CEP43: variants seen among roughly 807,000 people sequenced by gnomAD.
CEP43 encodes the protein FGFR1 oncogene partner.
A neutral mutation model predicts 52.6 loss-of-function variants in CEP43; 36 were observed. The observed-to-expected ratio is 0.68, with a 90% CI of 0.52 to 0.90. The LOEUF (loss-of-function observed/expected upper bound fraction) is 0.90, where lower values mean the gene tolerates loss of function less well. Ranked by LOEUF, CEP43 falls within the 40% of genes least tolerant of loss-of-function variation. The probability of loss-of-function intolerance (pLI) is 0.00; values close to 1 mark genes in which losing one functional copy is unlikely to be tolerated. For missense variants in CEP43, 506 were observed against 472.8 expected, an observed-to-expected ratio of 1.07 and a Z score of -0.65; for synonymous variants, 192 against 172.4, an observed-to-expected ratio of 1.11 and a Z score of -0.89.
chr6:167,042,422 G>C lies in CEP43; in HGVS notation c.*2444G>C. On this transcript the variant is annotated 3_prime_UTR_variant, in exon 13 of 13. Coordinates refer to ENST00000366847, the MANE Select transcript of CEP43 (RefSeq NM_007045.4). Reference sequence around the variant, plus strand: ...GCATTTATTCTCTTTGTTGATATTCGGTTGTGCTTTTATACTTTATGTTGG... The same window carrying C: ...GCATTTATTCTCTTTGTTGATATTCCGTTGTGCTTTTATACTTTATGTTGG... The C allele has an allele frequency of 4.2e-6, 4 of 947,344 alleles. No individual in the cohort carries two copies. The highest frequency in any genetic ancestry group is 5.1e-6 in the Non-Finnish European group (4 of 791,998). 58.7% of individuals were successfully genotyped at this position (947,344 alleles called of 1,614,324 possible). A position where few individuals can be genotyped will look rare whatever the true frequency, so the allele number is the denominator to read the frequency against.
intron 3 of CEP43, 85 bp downstream of exon 3, chr6:167,003,332 C>CTT: frequency 5.6e-6 from 4 of 712,514 alleles, no homozygotes; most frequent in South Asian, 2.1e-5. Flanking sequence ...AATTTCAGGG[C>CTT]TTTTTTTTTG....
chr6:167,035,854 A>C (rs1468940509), intron 12 of CEP43, among the ~76,000 whole-genome samples: 1 of 152,194 alleles, frequency 6.6e-6, no homozygotes, highest in Admixed American at 6.5e-5. Flanking sequence ...GGCGTGAGCC[A>C]CCGCGCCCAG....
chr6:167,035,653 G>A (rs777971187), intron 12 of CEP43, among the ~76,000 whole-genome samples: 78 of 151,440 alleles, frequency 5.2e-4, no homozygotes, highest in Non-Finnish European at 9.0e-4. Context: ...TGCAAGCTCC[G>A]CCTCCCGGGT....
At position 167,041,069 on chromosome 6, in the gene CEP43, A is replaced by G; in HGVS notation, c.*1091A>G. On this transcript the variant is annotated 3_prime_UTR_variant, in exon 13 of 13. Transcript: ENST00000366847. ...CATATTTATATATAAGTAAAGCAGG[A>G]TTGTGCTGTTTTTGCACTTTATAAT... is the stretch of plus-strand genomic sequence containing the variant. 1 of 1,035,708 alleles carries G rather than the reference A, an allele frequency of 9.7e-7. No homozygotes were observed. The highest frequency in any genetic ancestry group is 1.2e-6 in the Non-Finnish European group (1 of 860,590). 64.2% of individuals were successfully genotyped at this position (1,035,708 alleles called of 1,614,324 possible). A position where few individuals can be genotyped will look rare whatever the true frequency, so the allele number is the denominator to read the frequency against.
intron 5 of CEP43, among the ~76,000 whole-genome samples, chr6:167,006,947 A>G (rs1381807500): frequency 3.3e-5 from 5 of 152,212 alleles, no homozygotes; most frequent in Admixed American, 2.6e-4. Context: ...AAAAAGTAAA[A>G]ACATAAAGAC....
At chr6:167,013,957 AGT>A (rs1272329413) in intron 7 of CEP43, among the ~76,000 whole-genome samples, 7 of 152,202 alleles carry the variant, frequency 4.6e-5, no homozygotes, top group Non-Finnish European at 1.0e-4. Flanking sequence ...TGGGTGACAG[AGT>A]GAGACTCTGT....
chr6:167,003,187 T>TC lies in CEP43; in HGVS notation c.157-6_157-5insC. ...CATGACACTTAAATTTTTTTTTTTT[T>TC]AACAGAACAAAACTCCTTTAGTTAA... On this transcript the variant is annotated splice_region_variant and splice_polypyrimidine_tract_variant and intron_variant, in intron 2 of 12. Transcript: ENST00000366847. 1.5e-6 allele frequency: 2 copies of TC among 1,370,146 alleles called. No homozygotes were observed. The highest frequency in any genetic ancestry group is 1.0e-6 in the Non-Finnish European group (1 of 996,486). 84.9% of individuals were successfully genotyped at this position (1,370,146 alleles called of 1,614,324 possible). A position where few individuals can be genotyped will look rare whatever the true frequency, so the allele number is the denominator to read the frequency against.
In CEP43 at chr6:167,051,357, C is replaced by CAGGGCTATTATCATCTAAACTAT. The variant is rs1186866033; in HGVS notation, c.*11381_*11403dup. 6.6e-6 allele frequency: 1 copy of CAGGGCTATTATCATCTAAACTAT among 152,178 alleles called. No homozygotes were observed. The highest frequency in any genetic ancestry group is 2.4e-5 in the African/African-American group (1 of 41,446). The allele number at this position is 152,178 out of a possible 1,614,324, so 9.4% of individuals were successfully genotyped here. A position where few individuals can be genotyped will look rare whatever the true frequency, so the allele number is the denominator to read the frequency against. On this transcript the variant is annotated 3_prime_UTR_variant, in exon 13 of 13. Coordinates refer to ENST00000366847, the MANE Select transcript of CEP43 (RefSeq NM_007045.4). ...ACAAAGGCAGTTTAATTTTGGGGGG[C>CAGGGCTATTATCATCTAAACTAT]AGGGCTATTATCATCTAAACTATAA...
At chr6:167,020,869 A>C (rs1283077003) in intron 7 of CEP43, among the ~76,000 whole-genome samples, 1 of 141,050 alleles carries the variant, frequency 7.1e-6, no homozygotes, top group African/African-American at 2.7e-5. Flanking sequence ...AGATTGCCCC[A>C]CTGCACTCCA....
intron 7 of CEP43, among the ~76,000 whole-genome samples, chr6:167,021,858 T>G (rs1451523135): frequency 6.6e-6 from 1 of 152,252 alleles, no homozygotes; most frequent in African/African-American, 2.4e-5. Flanking sequence ...AGGCAGCGCC[T>G]TTCACCTTGA....
At chr6:167,019,298 C>T (rs396526) in intron 7 of CEP43, among the ~76,000 whole-genome samples, 11 of 145,232 alleles carry the variant, frequency 7.6e-5, no homozygotes, top group East Asian at 7.1e-4. Flanking sequence ...GCTGTGCACA[C>T]GCGTACACCT....
intron 7 of CEP43, among the ~76,000 whole-genome samples, chr6:167,020,323 TG>T (rs1780196169): frequency 6.6e-6 from 1 of 152,232 alleles, no homozygotes; most frequent in African/African-American, 2.4e-5. Flanking sequence ...GCATATATCT[TG>T]CCTACTGTCA....
chr6:167,003,805 T>A lies in CEP43; in HGVS notation c.294T>A (p.Thr98=). The part of the protein sequence containing the change: ...DFTLAVFQPE[T]STLQGLEGRE... ...CTTTGGCTGTTTTTCAACCTGAAAC[T>A]AGCACAGTAAGAATAATGATTTTTA... is the stretch of plus-strand genomic sequence containing the variant. The change falls in exon 4 of 13, where the codon ACT becomes ACA. Residue 98 remains threonine (T), a synonymous_variant. Transcript: ENST00000366847. The A allele has an allele frequency of 6.3e-7, 1 of 1,584,736 alleles. No homozygotes were observed. Among genetic ancestry groups the A allele is most frequent in the Non-Finnish European group, 8.7e-7 (1 of 1,154,640 alleles).
chr6:167,010,422 G>A (rs918412005), intron 5 of CEP43, among the ~76,000 whole-genome samples: 2 of 152,164 alleles, frequency 1.3e-5, no homozygotes, highest in African/African-American at 4.8e-5. Context: ...TTTTTCTTGA[G>A]ATAAAATGAA....
intron 10 of CEP43, among the ~76,000 whole-genome samples, chr6:167,031,141 CA>C (rs1780462374): frequency 6.6e-6 from 1 of 152,142 alleles, no homozygotes; most frequent in Non-Finnish European, 1.5e-5. Context: ...AGGCTGGTCT[CA>C]AACTCCTGGG....
In CEP43 at chr6:167,046,792, A is replaced by T. The variant is rs1267465859; in HGVS notation, c.*6814A>T. On this transcript the variant is annotated 3_prime_UTR_variant, in exon 13 of 13. Transcript: ENST00000366847. ...TCCAACGACCATTCTGCCTCAGGGT[A>T]AGAGGCCCGGCCCTCTCAGCCTGAG... is the stretch of plus-strand genomic sequence containing the variant. 6.6e-6 allele frequency: 1 copy of T among 152,252 alleles called. No homozygotes were observed. Among genetic ancestry groups the T allele is most frequent in the Non-Finnish European group, 1.5e-5 (1 of 68,096 alleles). 9.4% of individuals were successfully genotyped at this position (152,252 alleles called of 1,614,324 possible).
chr6:167,036,869 T>A, intron 12 of CEP43: 1 of 637,254 alleles, frequency 1.6e-6, no homozygotes, highest in Non-Finnish European at 2.0e-6. Flanking sequence ...GTGCAATGGC[T>A]GGATCTTGGC....
intron 7 of CEP43, among the ~76,000 whole-genome samples, chr6:167,014,336 AC>A (rs1780047929): frequency 1.3e-5 from 2 of 152,316 alleles, no homozygotes; most frequent in South Asian, 4.1e-4. Flanking sequence ...CTCACAGTAG[AC>A]TGCTGGGGGC....
In CEP43 at chr6:167,040,058, AGCTGGAAT is replaced by A. The variant is rs1780662865; in HGVS notation, c.*82_*89del. 2 of 1,610,504 alleles carry A rather than the reference AGCTGGAAT, an allele frequency of 1.2e-6. No individual in the cohort carries two copies. Among genetic ancestry groups the A allele is most frequent in the African/African-American group, 1.3e-5 (1 of 74,638 alleles). On this transcript the variant is annotated 3_prime_UTR_variant, in exon 13 of 13. Transcript: ENST00000366847. Reference sequence around the variant, plus strand: ...TTTTTTTTTTTCCAGACAATCACTCAGCTGGAATGTCTGCTCTCTATTGGTGCCTTGCA... The same window carrying A: ...TTTTTTTTTTTCCAGACAATCACTCAGTCTGCTCTCTATTGGTGCCTTGCA...
Sources: gnomAD v4.1 joint callset for allele counts (sites outside exome capture counted in the v4.1 genomes callset) on GRCh38, gnomAD v4.1.1 for gene constraint, MANE v1.5 for transcripts, NCBI Gene and HGNC (gene_info 2026-07-23, HGNC 2026-07-21) for gene names.